The following ITPR2 variants were observed in gnomAD, a reference collection of about 807,000 sequenced individuals.
ITPR2 encodes the protein inositol 1,4,5-trisphosphate-gated calcium channel ITPR2.
In ITPR2, 207 loss-of-function variants were observed where a neutral mutation model predicts 317.1. That is an observed-to-expected ratio of 0.65 (90% CI 0.58 to 0.73). The LOEUF is 0.73. Ranked by LOEUF, ITPR2 falls within the 30% of genes least tolerant of loss-of-function variation. The probability of loss-of-function intolerance (pLI) is 0.00; values close to 1 mark genes in which losing one functional copy is unlikely to be tolerated. For synonymous variants in ITPR2, 1,156 were observed against 1,149.1 expected, an observed-to-expected ratio of 1.01 and a Z score of -0.12; for missense variants, 2,613 against 3,284.0, an observed-to-expected ratio of 0.80 and a Z score of 4.99.
At chr12:26,450,128 A>C (rs576502498) in intron 45 of ITPR2, among the ~76,000 whole-genome samples, 1 of 152,270 alleles carries the variant, frequency 6.6e-6, no homozygotes, top group East Asian at 1.9e-4. Flanking sequence ...GAAAAGAGGC[A>C]AGGAAGGATC....
At chr12:26,517,012 T>C (rs1373809682) in intron 37 of ITPR2, among the ~76,000 whole-genome samples, 1 of 152,144 alleles carries the variant, frequency 6.6e-6, no homozygotes. Flanking sequence ...TTATCTTAAA[T>C]GTAAGAATAT....
chr12:26,447,013 G>A (rs191528940), intron 45 of ITPR2, among the ~76,000 whole-genome samples: 180 of 151,630 alleles, frequency 1.2e-3, no homozygotes, highest in South Asian at 7.1e-3. Flanking sequence ...TCTATATTAC[G>A]AAATTTCTCA....
chr12:26,744,413 A>G lies in ITPR2; in HGVS notation c.164-18648T>C, dbSNP rs576400265. Among the ~76,000 whole-genome samples, 4 of 152,160 alleles carry G rather than the reference A, an allele frequency of 2.6e-5. No individual in the cohort carries two copies. In the East Asian group the frequency reaches 7.7e-4, roughly 29 times the overall value. On this transcript the variant is annotated intron_variant, in intron 2 of 56. Transcript: ENST00000381340. ...GTTCCCCAAGATTTCTGCACAGGTA[A>G]CTCTGCCCCGACTCAGGCCTCCGCT...
intron 20 of ITPR2, among the ~76,000 whole-genome samples, chr12:26,654,602 A>G (rs1002889187): frequency 1.3e-5 from 2 of 152,148 alleles, no homozygotes; most frequent in Non-Finnish European, 1.5e-5. Context: ...CCCCTACCAC[A>G]CTGTATCAGA....
intron 22 of ITPR2, among the ~76,000 whole-genome samples, chr12:26,628,960 T>C (rs1348368199): frequency 6.6e-6 from 1 of 152,240 alleles, no homozygotes; most frequent in Non-Finnish European, 1.5e-5. Context: ...AGGTACCATC[T>C]GTCCCTGTCT....
At chr12:26,451,125 T>C (rs1216718182) in intron 45 of ITPR2, among the ~76,000 whole-genome samples, 2 of 152,054 alleles carry the variant, frequency 1.3e-5, no homozygotes, top group Admixed American at 6.6e-5. Flanking sequence ...ACTTTCAAAA[T>C]AGGTTTTTGA....
intron 34 of ITPR2, among the ~76,000 whole-genome samples, chr12:26,574,677 G>A (rs564596597): frequency 1.5e-4 from 23 of 152,226 alleles, no homozygotes; most frequent in Non-Finnish European, 2.8e-4. Context: ...TAACTGACTC[G>A]TCGTTCTGCG....
At position 26,481,169 on chromosome 12, in the gene ITPR2, G is replaced by A; in HGVS notation, c.6085C>T (p.Leu2029Phe). The A allele has an allele frequency of 1.9e-6, 3 of 1,613,320 alleles. No individual in the cohort carries two copies. Among genetic ancestry groups the A allele is most frequent in the Non-Finnish European group, 2.5e-6 (3 of 1,179,276 alleles). The change falls in exon 43 of 57, where the codon CTT becomes TTT. Residue 2029 changes from leucine (L) to phenylalanine (F), a missense_variant. By Grantham distance (22) the Leu-to-Phe change is conservative. Coordinates refer to ENST00000381340, the MANE Select transcript of ITPR2 (RefSeq NM_002223.4). ...IALILNDINPLGKYRMDLVLQ... is the reference protein window; with the variant it reads ...IALILNDINPFGKYRMDLVLQ... ...ACCAGGTCCATTCGGTATTTACCAAGAGGGTTTATGTCATTCAGAATCAAA... is the reference window on the plus strand; with the variant it reads ...ACCAGGTCCATTCGGTATTTACCAAAAGGGTTTATGTCATTCAGAATCAAA...
chr12:26,367,224 AT>A (rs67379724), intron 55 of ITPR2, among the ~76,000 whole-genome samples: 30,663 of 152,016 alleles, frequency 0.2, 3,837 homozygotes, highest in East Asian at 0.47. Context: ...ATGTAAAAAA[AT>A]ATATCAATGT....
At chr12:26,605,126 A>AAAAAATATATATATATATATATATAT (rs1555165395) in intron 26 of ITPR2, among the ~76,000 whole-genome samples, 52 of 136,292 alleles carry the variant, frequency 3.8e-4, no homozygotes, top group Admixed American at 1.9e-3. Flanking sequence ...AAAAAATAAA[A>AAAAAATATATATATATATATATATAT]ATATATATAT....
At chr12:26,605,120 A>AT (rs1946098101) in intron 26 of ITPR2, among the ~76,000 whole-genome samples, 5 of 104,238 alleles carry the variant, frequency 4.8e-5, no homozygotes, top group Admixed American at 1.8e-4. Flanking sequence ...AAAAATAAAA[A>AT]ATAAAAATAT....
At chr12:26,708,964 C>G (rs1281556567) in intron 9 of ITPR2, among the ~76,000 whole-genome samples, 1 of 152,092 alleles carries the variant, frequency 6.6e-6, no homozygotes, top group African/African-American at 2.4e-5. Context: ...AAATGATAAA[C>G]GTGTAATCAT....
intron 1 of ITPR2, among the ~76,000 whole-genome samples, chr12:26,824,948 T>A (rs1332042924): frequency 6.6e-6 from 1 of 152,180 alleles, no homozygotes; most frequent in South Asian, 2.1e-4. Flanking sequence ...AATAAGTGAA[T>A]GGGCTGGGCG....
At chr12:26,739,205 G>C (rs1240632853) in intron 2 of ITPR2, among the ~76,000 whole-genome samples, 1 of 152,186 alleles carries the variant, frequency 6.6e-6, no homozygotes, top group African/African-American at 2.4e-5. Flanking sequence ...TACACTGATG[G>C]TATGAACACA....
intron 37 of ITPR2, among the ~76,000 whole-genome samples, chr12:26,505,709 G>A (rs536549713): frequency 4.4e-4 from 66 of 151,584 alleles, no homozygotes; most frequent in Admixed American, 1.9e-3. Context: ...TTTCCTTTTT[G>A]GCTGACCATT....
chr12:26,487,526 G>A (rs1020328533), intron 39 of ITPR2, among the ~76,000 whole-genome samples: 1 of 151,960 alleles, frequency 6.6e-6, no homozygotes, highest in African/African-American at 2.4e-5. Flanking sequence ...AAACTTACAG[G>A]GACATTGTAA....
At chr12:26,355,546 T>C (rs1296392613) in intron 55 of ITPR2, among the ~76,000 whole-genome samples, 3 of 152,216 alleles carry the variant, frequency 2.0e-5, no homozygotes, top group Admixed American at 2.0e-4. Context: ...AGCATTCTGG[T>C]CACTCAAAAA....
intron 21 of ITPR2, chr12:26,649,199 CACCCA>C (rs1410386591): frequency 1.7e-5 from 2 of 118,926 alleles, no homozygotes; most frequent in African/African-American, 6.4e-5. Context: ...TCTCCACACA[CACCCA>C]CACACACACA....
intron 45 of ITPR2, among the ~76,000 whole-genome samples, chr12:26,473,146 CAA>C (rs1169639091): frequency 6.6e-6 from 1 of 152,194 alleles, no homozygotes; most frequent in African/African-American, 2.4e-5. Flanking sequence ...CTCAGCCTCC[CAA>C]AGTCTTGGGA....
Sources: gnomAD v4.1 joint callset for allele counts (sites outside exome capture counted in the v4.1 genomes callset) on GRCh38, gnomAD v4.1.1 for gene constraint, MANE v1.5 for transcripts, NCBI Gene and HGNC (gene_info 2026-07-23, HGNC 2026-07-21) for gene names.